Variants in ATG2B observed in about 807,000 individuals in gnomAD.
The protein encoded by ATG2B is autophagy-related protein 2 homolog B.
In ATG2B, 121 loss-of-function variants were observed where a neutral mutation model predicts 241.3. The ratio of observed to expected loss-of-function variants is 0.50; its 90% CI spans 0.43 to 0.58. The LOEUF (loss-of-function observed/expected upper bound fraction) is 0.58. Ranked by LOEUF, ATG2B falls within the 20% of genes least tolerant of loss-of-function variation. The pLI is 0.00. For missense variants in ATG2B, 2,306 were observed against 2,491.6 expected (o/e 0.93, Z 1.59); for synonymous variants, 858 against 876.6 (o/e 0.98, Z 0.37).
At position 96,290,978 on chromosome 14, in the gene ATG2B, T is replaced by C; in HGVS notation, c.5580-43A>G. ...TAGTATGTCAAAAGGAGAAATACAT[T>C]TATAGACACAGATTAGTTTGAGGGT... On this transcript the variant is annotated intron_variant, in intron 38 of 41. Transcript: ENST00000359933. The surrounding 1 kb of genome is among the most constrained non-coding windows in gnomAD (Gnocchi z 4.4). 1.3e-6 allele frequency: 2 copies of C among 1,539,254 alleles called. No individual in the cohort carries two copies. The highest frequency in any genetic ancestry group is 1.8e-6 in the Non-Finnish European group (2 of 1,137,374).
chr14:96,297,009 A>G lies in ATG2B; in HGVS notation c.5140-1449T>C, dbSNP rs577296771. On this transcript the variant is annotated intron_variant, in intron 34 of 41. Coordinates refer to ENST00000359933, the MANE Select transcript of ATG2B (RefSeq NM_018036.7). ...AGCACAAGCAGGTGGTTTCGTCAGT[A>G]GTGGAAATATTCTGATTCTGAAGCG... Among the ~76,000 whole-genome samples the G allele has an allele frequency of 3.3e-5, 5 of 152,252 alleles. No homozygotes were observed. The South Asian group carries it at 1.0e-3, about 32-fold the overall frequency.
At chr14:96,309,009 G>A (rs1372061702) in intron 29 of ATG2B, among the ~76,000 whole-genome samples, 1 of 152,106 alleles carries the variant, frequency 6.6e-6, no homozygotes, top group East Asian at 1.9e-4. Flanking sequence ...TAATGACCTT[G>A]CCAAGATTAC....
intron 8 of ATG2B, among the ~76,000 whole-genome samples, chr14:96,333,022 A>C (rs897958503): frequency 6.6e-6 from 1 of 152,068 alleles, no homozygotes; most frequent in Non-Finnish European, 1.5e-5. Context: ...GGATACAGTT[A>C]TTTCTTTTAT....
At chr14:96,306,173 C>T (rs1886941235) in intron 30 of ATG2B, among the ~76,000 whole-genome samples, 2 of 152,050 alleles carry the variant, frequency 1.3e-5, no homozygotes, top group African/African-American at 4.8e-5. Context: ...GATGATATTA[C>T]CATGTTTTTA....
At chr14:96,292,245 G>A (rs1326436052) in intron 36 of ATG2B, 147 bp from the exon 37 acceptor site, 3 of 499,732 alleles carry the variant, frequency 6.0e-6, no homozygotes, top group Admixed American at 7.4e-5. Context: ...AAAAGAGAAT[G>A]TCTTTTAGCT....
chr14:96,302,579 GAA>G (rs58450010), intron 33 of ATG2B, among the ~76,000 whole-genome samples: 12 of 149,590 alleles, frequency 8.0e-5, no homozygotes, highest in South Asian at 2.1e-4. Flanking sequence ...CTGTTGGGGG[GAA>G]AAAAAAAACT....
intron 11 of ATG2B, among the ~76,000 whole-genome samples, chr14:96,330,785 C>CA (rs1378459265): frequency 1.3e-5 from 2 of 151,940 alleles, no homozygotes; most frequent in Non-Finnish European, 1.5e-5. Flanking sequence ...CAAAACAAAA[C>CA]AAAAAAACCA....
chr14:96,308,276 A>ATATG (rs1887051135), intron 29 of ATG2B, among the ~76,000 whole-genome samples: 3 of 27,126 alleles, frequency 1.1e-4, no homozygotes, highest in African/African-American at 2.0e-4. Flanking sequence ...ATATATATAT[A>ATATG]TATATATTTT....
chr14:96,327,344 CTTTTT>C (rs1418404823), intron 14 of ATG2B, among the ~76,000 whole-genome samples: 3 of 151,960 alleles, frequency 2.0e-5, no homozygotes, highest in Non-Finnish European at 4.4e-5. Context: ...TTTTCCTTTT[CTTTTT>C]AACTAAGGTT....
In ATG2B at chr14:96,295,066, G is replaced by C. The variant is rs1886593319; in HGVS notation, c.5320C>G (p.Pro1774Ala). The C allele has an allele frequency of 1.9e-6, 3 of 1,614,064 alleles. No individual in the cohort carries two copies. The highest frequency in any genetic ancestry group is 2.2e-5 in the South Asian group (2 of 91,092). The part of the protein sequence containing the change: ...LVISFSGPKQ[P>A]SQNDSANSVE... ...GAATTGGCACTATCATTTTGGGAAG[G>C]CTGTTTTGGCCCAGAGAAAGAAATA... Residue 1774 changes from proline (P) to alanine (A), a missense_variant, in exon 36 of 42, where the codon CCT (proline) becomes GCT (alanine). Coordinates refer to ENST00000359933, the MANE Select transcript of ATG2B (RefSeq NM_018036.7).
At chr14:96,354,656 T>C (rs1202953006) in intron 1 of ATG2B, among the ~76,000 whole-genome samples, 1 of 152,206 alleles carries the variant, frequency 6.6e-6, no homozygotes, top group Non-Finnish European at 1.5e-5. Flanking sequence ...GGTTGCTAGG[T>C]CAAATGGTAT....
Position 96,290,205 on chromosome 14 carries a change from A to G in ATG2B, c.5856+231T>C. On this transcript the variant is annotated intron_variant, in intron 40 of 41. Coordinates refer to ENST00000359933, the MANE Select transcript of ATG2B (RefSeq NM_018036.7). This position sits in a 1 kb window ranked among gnomAD's most constrained non-coding sequence, Gnocchi z 4.4. ...TCAATCCTCTGCTAACTTAATGTTT[A>G]CAATTTACCTGAAATAGGCAAACAA... 1 of 1,310,778 alleles carries G rather than the reference A, an allele frequency of 7.6e-7. No individual in the cohort carries two copies. The highest frequency in any genetic ancestry group is 9.7e-7 in the Non-Finnish European group (1 of 1,026,246). The allele number at this position is 1,310,778 out of a possible 1,614,324, so 81.2% of individuals were successfully genotyped here. A position where few individuals can be genotyped will look rare whatever the true frequency, so the allele number is the denominator to read the frequency against.
chr14:96,304,692 G>T, intron 31 of ATG2B, 89 bp from the exon 32 acceptor site: 1 of 1,032,202 alleles, frequency 9.7e-7, no homozygotes, highest in Non-Finnish European at 1.4e-6. Context: ...ATGATAAGAT[G>T]AAAGACAAAG....
At chr14:96,312,307 C>A in intron 25 of ATG2B, 148 bp from the exon 26 acceptor site, 1 of 609,874 alleles carries the variant, frequency 1.6e-6, no homozygotes, top group Non-Finnish European at 2.9e-6. Flanking sequence ...TGTCATCTAA[C>A]ATTTTTTAAA....
chr14:96,355,843 C>A (rs1195890125), intron 1 of ATG2B, among the ~76,000 whole-genome samples: 1 of 152,026 alleles, frequency 6.6e-6, no homozygotes, highest in Non-Finnish European at 1.5e-5. Flanking sequence ...ACCAAGGCAT[C>A]AGAATTCAAA....
intron 1 of ATG2B, among the ~76,000 whole-genome samples, chr14:96,354,615 T>C (rs549809319): frequency 1.0e-3 from 156 of 152,362 alleles, no homozygotes; most frequent in Admixed American, 1.8e-3. Flanking sequence ...TAGAACAATT[T>C]ATATTCCTTT....
chr14:96,357,373 T>G (rs7147230), intron 1 of ATG2B, among the ~76,000 whole-genome samples: 3,691 of 152,324 alleles, frequency 0.024, 156 homozygotes, highest in African/African-American at 0.084. Flanking sequence ...CTCCTGCCAC[T>G]GTTATTCACT....
chr14:96,307,599 G>C (rs538756696), intron 29 of ATG2B, among the ~76,000 whole-genome samples: 1 of 152,094 alleles, frequency 6.6e-6, no homozygotes, highest in South Asian at 2.1e-4. Flanking sequence ...TCCTATAGGC[G>C]GAGCTCTGGA....
rs759192430 is a variant in ATG2B, at chr14:96,317,208, C to CT, written c.3146dup (p.Ser1050GlufsTer10). 2 of 1,613,890 alleles carry CT rather than the reference C, an allele frequency of 1.2e-6. No individual in the cohort carries two copies. The highest frequency in any genetic ancestry group is 1.1e-5 in the South Asian group (1 of 91,062). On this transcript the variant is annotated frameshift_variant, in exon 20 of 42. Coordinates refer to ENST00000359933, the MANE Select transcript of ATG2B (RefSeq NM_018036.7). LOFTEE classifies it high-confidence loss of function. ...TATTCAGAAGAACTGAGAGAAAACT[C>CT]TGAGAGTTCTTGTTCTGAGAGTCTA...
Sources: allele counts gnomAD v4.1 joint callset (sites outside exome capture counted in the v4.1 genomes callset), GRCh38; gene constraint gnomAD v4.1.1; non-coding constraint Gnocchi (gnomAD v3.1); transcripts MANE v1.5; gene names NCBI Gene and HGNC (gene_info 2026-07-23, HGNC 2026-07-21).